Variants in SPATA6 observed in about 807,000 individuals in gnomAD.
The protein encoded by SPATA6 is spermatogenesis-associated protein 6.
Under a neutral mutation model 65.3 loss-of-function variants are expected in SPATA6, and 56 were observed. The ratio of observed to expected loss-of-function variants is 0.86; its 90% CI spans 0.69 to 1.07. The LOEUF (loss-of-function observed/expected upper bound fraction) is 1.07. Among genes scored for constraint, SPATA6 ranks in the 50% least tolerant of loss-of-function variants. The pLI, the probability that SPATA6 is intolerant of heterozygous loss-of-function variation, is 0.00. For missense variants in SPATA6, 590 were observed against 594.8 expected, an observed-to-expected ratio of 0.99 and a Z score of 0.08; for synonymous variants, 199 against 213.2, an observed-to-expected ratio of 0.93 and a Z score of 0.58.
At chr1:48,422,498 T>C (rs1034322321) in intron 3 of SPATA6, among the ~76,000 whole-genome samples, 3 of 152,142 alleles carry the variant, frequency 2.0e-5, no homozygotes, top group Non-Finnish European at 4.4e-5. Context: ...TCAATTTGGA[T>C]AGGGCCCCCA....
chr1:48,378,550 G>A (rs186777898), intron 9 of SPATA6, among the ~76,000 whole-genome samples: 69 of 152,310 alleles, frequency 4.5e-4, no homozygotes, highest in Non-Finnish European at 8.5e-4. Flanking sequence ...CAGAATCATG[G>A]TGGGAGGTGA....
At chr1:48,423,285 C>G (rs1653519176) in intron 3 of SPATA6, among the ~76,000 whole-genome samples, 1 of 151,640 alleles carries the variant, frequency 6.6e-6, no homozygotes, top group African/African-American at 2.4e-5. Flanking sequence ...GGAGAAACCC[C>G]ACCTCTACTA....
At chr1:48,377,240 ATCATT>A (rs1648025343) in intron 9 of SPATA6, among the ~76,000 whole-genome samples, 1 of 152,264 alleles carries the variant, frequency 6.6e-6, no homozygotes, top group African/African-American at 2.4e-5. Context: ...GCTATTTAAA[ATCATT>A]TCATTTGCTC....
intron 8 of SPATA6, among the ~76,000 whole-genome samples, chr1:48,390,669 T>A (rs1198594678): frequency 6.6e-6 from 1 of 152,204 alleles, no homozygotes; most frequent in Non-Finnish European, 1.5e-5. Context: ...AAATATCACA[T>A]GTACCCAATA....
intron 11 of SPATA6, among the ~76,000 whole-genome samples, chr1:48,346,025 T>A (rs1373786360): frequency 6.6e-6 from 1 of 151,310 alleles, no homozygotes; most frequent in Non-Finnish European, 1.5e-5. Flanking sequence ...TGTCAAAACC[T>A]GGAAGACATA....
chr1:48,466,310 G>GA (rs141537913), intron 1 of SPATA6, among the ~76,000 whole-genome samples: 82 of 152,088 alleles, frequency 5.4e-4, no homozygotes, highest in African/African-American at 1.9e-3. Flanking sequence ...AATCAACACT[G>GA]AAAAATCTCA....
At position 48,451,627 on chromosome 1, in the gene SPATA6, C is replaced by T. The variant is rs537134106; in HGVS notation, c.190-27G>A. The T allele has an allele frequency of 3.3e-5, 52 of 1,591,852 alleles. No individual in the cohort carries two copies. In the South Asian group the frequency reaches 5.9e-4, roughly 18 times the overall value. On this transcript the variant is annotated intron_variant, in intron 2 of 12. Coordinates refer to ENST00000371847, the MANE Select transcript of SPATA6 (RefSeq NM_019073.4). Reference sequence around the variant, plus strand: ...TATAGTGAGACGATACAGGGAGAGGCAGGAAGGAAGATATATATTTTTTTT... The same window carrying T: ...TATAGTGAGACGATACAGGGAGAGGTAGGAAGGAAGATATATATTTTTTTT...
At chr1:48,337,068 C>T (rs11205475) in intron 11 of SPATA6, among the ~76,000 whole-genome samples, 1 of 151,620 alleles carries the variant, frequency 6.6e-6, no homozygotes, top group African/African-American at 2.4e-5. Flanking sequence ...ATGAGGTCAG[C>T]CAAAATCTGA....
At chr1:48,403,153 C>A (rs1651340017) in intron 6 of SPATA6, among the ~76,000 whole-genome samples, 1 of 151,954 alleles carries the variant, frequency 6.6e-6, no homozygotes, top group Admixed American at 6.6e-5. Flanking sequence ...CAGAGTGAGG[C>A]CCTGTCTCAA....
intron 8 of SPATA6, 39 bp downstream of exon 8, chr1:48,395,227 AG>A (rs780107831): frequency 7.0e-7 from 1 of 1,432,642 alleles, no homozygotes; most frequent in East Asian, 2.5e-5. Context: ...ATTGTAGCTC[AG>A]GCAACTACAG....
chr1:48,436,059 G>C (rs1654909757), intron 3 of SPATA6: 22 of 1,609,442 alleles, frequency 1.4e-5, no homozygotes, highest in Non-Finnish European at 1.9e-5. Context: ...ATCAATACTT[G>C]GTTGATGAGC....
chr1:48,303,009 AAT>A (rs1165186937), intron 12 of SPATA6, among the ~76,000 whole-genome samples: 3 of 152,204 alleles, frequency 2.0e-5, no homozygotes, highest in East Asian at 3.9e-4. Context: ...CCAGTATTTC[AAT>A]ATGACTTCCC....
intron 10 of SPATA6, among the ~76,000 whole-genome samples, chr1:48,358,597 C>T (rs919410328): frequency 1.5e-4 from 23 of 152,166 alleles, no homozygotes; most frequent in African/African-American, 5.5e-4. Flanking sequence ...CGAGGAAAGT[C>T]CCCTGATACT....
intron 12 of SPATA6, among the ~76,000 whole-genome samples, chr1:48,302,052 G>A (rs1644952166): frequency 6.6e-6 from 1 of 152,078 alleles, no homozygotes; most frequent in African/African-American, 2.4e-5. Context: ...ATGTCTCAGA[G>A]TTTTTGTAGA....
intron 11 of SPATA6, among the ~76,000 whole-genome samples, chr1:48,310,532 G>C (rs1404573554): frequency 1.3e-5 from 2 of 152,160 alleles, no homozygotes; most frequent in East Asian, 1.9e-4. Flanking sequence ...GTATGAACTT[G>C]TGAGAGCCCC....
intron 11 of SPATA6, among the ~76,000 whole-genome samples, chr1:48,327,423 G>A (rs1383756185): frequency 6.6e-6 from 1 of 152,098 alleles, no homozygotes; most frequent in Non-Finnish European, 1.5e-5. Flanking sequence ...CAACTTCTAT[G>A]GAAAACAGTA....
intron 1 of SPATA6, among the ~76,000 whole-genome samples, chr1:48,459,626 A>T (rs1467258698): frequency 6.6e-6 from 1 of 152,206 alleles, no homozygotes; most frequent in Non-Finnish European, 1.5e-5. Context: ...TTTACAGAGT[A>T]CTTCATCCAA....
At position 48,312,503 on chromosome 1, in the gene SPATA6, AAACT is replaced by A. The variant is rs546062296; in HGVS notation, c.1195-6629_1195-6626del. Among the ~76,000 whole-genome samples, 840 of 152,304 alleles carry A rather than the reference AAACT, an allele frequency of 5.5e-3. 8 individuals carry two copies. Among genetic ancestry groups the A allele is most frequent in the African/African-American group, 0.019 (792 of 41,574 alleles). ...CTGAGGGTCCTCACTGCTAGAAGGA[AAACT>A]AACAAAAAGAAAGGACACCCAAACC... On this transcript the variant is annotated intron_variant, in intron 11 of 12. Coordinates refer to ENST00000371847, the MANE Select transcript of SPATA6 (RefSeq NM_019073.4).
At chr1:48,449,720 G>A (rs1252017175) in intron 3 of SPATA6, among the ~76,000 whole-genome samples, 1 of 152,104 alleles carries the variant, frequency 6.6e-6, no homozygotes, top group East Asian at 1.9e-4. Context: ...GGATAACTAG[G>A]GAAATCTGAA....
Sources: gnomAD v4.1 joint callset for allele counts (sites outside exome capture counted in the v4.1 genomes callset) on GRCh38, gnomAD v4.1.1 for gene constraint, MANE v1.5 for transcripts, NCBI Gene and HGNC (gene_info 2026-07-23, HGNC 2026-07-21) for gene names.